The following PRDX5 variants were observed in gnomAD, a reference collection of about 807,000 sequenced individuals.
PRDX5 encodes peroxiredoxin-5, mitochondrial.
In PRDX5, 21 loss-of-function variants were observed where a neutral mutation model predicts 23.8. The ratio of observed to expected loss-of-function variants is 0.88; its 90% CI spans 0.63 to 1.27. The LOEUF (loss-of-function observed/expected upper bound fraction) is 1.27, where lower values mean the gene tolerates loss of function less well. Among genes scored for constraint, PRDX5 ranks in the 50% most tolerant of loss-of-function variants. PRDX5 has a pLI of 0.00. For missense variants in PRDX5, 261 were observed against 270.6 expected (o/e 0.96, Z 0.25); for synonymous variants, 111 against 113.3 (o/e 0.98, Z 0.13).
At chr11:64,321,134 C>A in intron 5 of PRDX5, 66 bp downstream of exon 5, 2 of 1,460,780 alleles carry the variant, frequency 1.4e-6, no homozygotes, top group Non-Finnish European at 1.8e-6. Context: ...GGGAGAGAGT[C>A]CTCTGTGGAG....
intron 5 of PRDX5, 98 bp from the exon 6 acceptor site, chr11:64,321,488 C>T: frequency 6.5e-7 from 1 of 1,543,450 alleles, no homozygotes; most frequent in Non-Finnish European, 8.7e-7. Flanking sequence ...GGAGTCCTCT[C>T]TGGAGTTCTC....
In PRDX5 at chr11:64,321,473, T is replaced by G. The variant is rs2035498862; in HGVS notation, c.540-113T>G. On this transcript the variant is annotated intron_variant, in intron 5 of 5. Coordinates refer to ENST00000265462, the MANE Select transcript of PRDX5 (RefSeq NM_012094.5). ...GTCCTCTGTGGGGGAGAGTCCTCTG[T>G]GGGGGGAGTCCTCTCTGGAGTTCTC... 4 of 1,506,362 alleles carry G rather than the reference T, an allele frequency of 2.7e-6. No individual in the cohort carries two copies. In the South Asian group the frequency reaches 3.9e-5, roughly 15 times the overall value. The allele number at this position is 1,506,362 out of a possible 1,614,324, so 93.3% of individuals were successfully genotyped here.
intron 5 of PRDX5, 71 bp downstream of exon 5, chr11:64,321,139 G>T: frequency 6.9e-7 from 1 of 1,438,974 alleles, no homozygotes; most frequent in South Asian, 1.6e-5. Flanking sequence ...AGAGTCCTCT[G>T]TGGAGAGGGT....
intron 2 of PRDX5, 51 bp downstream of exon 2, chr11:64,319,919 T>C: frequency 6.3e-7 from 1 of 1,599,738 alleles, no homozygotes; most frequent in Non-Finnish European, 8.5e-7. Context: ...TTTGTGTTGC[T>C]CTTAAGTCCT....
chr11:64,321,125 GGA>G, intron 5 of PRDX5, 57 bp downstream of exon 5: 3 of 1,479,736 alleles, frequency 2.0e-6, no homozygotes, highest in Middle Eastern at 2.3e-4. Flanking sequence ...GTCCTCTGTG[GGA>G]GAGAGTCCTC....
Position 64,318,174 on chromosome 11 carries a change from G to A in PRDX5, c.-42G>A. 3.1e-6 allele frequency: 5 copies of A among 1,608,052 alleles called. No individual in the cohort carries two copies. The highest frequency in any genetic ancestry group is 4.2e-6 in the Non-Finnish European group (5 of 1,178,218). On this transcript the variant is annotated 5_prime_UTR_variant, in exon 1 of 6. Transcript: ENST00000265462. ...TAGCGGTGCCCCGCCTGCTGCGGTG[G>A]CACCAGCCAGGAGGCGGAGTGGAAG...
chr11:64,321,467 C>A, intron 5 of PRDX5, 119 bp from the exon 6 acceptor site: 1 of 1,488,444 alleles, frequency 6.7e-7, no homozygotes, highest in Non-Finnish European at 9.0e-7. Context: ...GGGGGAGAGT[C>A]CTCTGTGGGG....
Position 64,318,178 on chromosome 11 carries a change from C to A in PRDX5, c.-38C>A. 1 of 1,608,822 alleles carries A rather than the reference C, an allele frequency of 6.2e-7. No individual in the cohort carries two copies. On this transcript the variant is annotated 5_prime_UTR_variant, in exon 1 of 6. Coordinates refer to ENST00000265462, the MANE Select transcript of PRDX5 (RefSeq NM_012094.5). ...GGTGCCCCGCCTGCTGCGGTGGCAC[C>A]AGCCAGGAGGCGGAGTGGAAGTGGC...
chr11:64,321,203 C>T, intron 5 of PRDX5, 135 bp downstream of exon 5: 1 of 1,043,996 alleles, frequency 9.6e-7, no homozygotes, highest in Non-Finnish European at 1.4e-6. Context: ...GGAGAGTCGT[C>T]TGTGGGGAGA....
chr11:64,318,146 C>G lies in PRDX5; in HGVS notation c.-70C>G, dbSNP rs761979554. The G allele has an allele frequency of 6.1e-4, 974 of 1,592,808 alleles. 1 individual carries two copies. The highest frequency in any genetic ancestry group is 7.7e-4 in the Non-Finnish European group (906 of 1,171,686). ...CTTCCGCAGGGTGTCGCCGCTGTGCCGCTAGCGGTGCCCCGCCTGCTGCGG... is the reference window on the plus strand; with the variant it reads ...CTTCCGCAGGGTGTCGCCGCTGTGCGGCTAGCGGTGCCCCGCCTGCTGCGG... On this transcript the variant is annotated 5_prime_UTR_variant, in exon 1 of 6. Transcript: ENST00000265462.
rs777708768 is a variant in PRDX5, at chr11:64,318,279, G to A, written c.64G>A (p.Gly22Ser). ...SAGYILVGGA[G>S]GQSAAAAARR... is the part of the protein sequence containing the mutation. ...GGGCTATATACTCGTCGGTGGGGCC[G>A]GCGGTCAGTCTGCGGCAGCGGCAGC... Residue 22 changes from glycine (G) to serine (S), a missense_variant, in exon 1 of 6, where the codon GGC becomes AGC. Physicochemically the swap from Gly to Ser is moderately conservative, Grantham distance 56 (BLOSUM62 0). Coordinates refer to ENST00000265462, the MANE Select transcript of PRDX5 (RefSeq NM_012094.5). 1 of 1,612,462 alleles carries A rather than the reference G, an allele frequency of 6.2e-7. No individual in the cohort carries two copies. Among genetic ancestry groups the A allele is most frequent in the Non-Finnish European group, 8.5e-7 (1 of 1,179,906 alleles).
chr11:64,321,778 G>C lies in PRDX5; in HGVS notation c.*87G>C. On this transcript the variant is annotated 3_prime_UTR_variant, in exon 6 of 6. Transcript: ENST00000265462. ...GGCCCTGCAATTGGAATGTTGGCCA[G>C]ATTTCTGCAATAAACACTTGTGGTT... The C allele has an allele frequency of 2.1e-6, 3 of 1,441,700 alleles. No homozygotes were observed. Among genetic ancestry groups the C allele is most frequent in the Non-Finnish European group, 2.8e-6 (3 of 1,081,800 alleles). 89.3% of individuals were successfully genotyped at this position (1,441,700 alleles called of 1,614,324 possible).
chr11:64,318,261 A>G lies in PRDX5; in HGVS notation c.46A>G (p.Ile16Val), dbSNP rs1485459803. 6.2e-7 allele frequency: 1 copy of G among 1,612,332 alleles called. No individual in the cohort carries two copies. The highest frequency in any genetic ancestry group is 1.1e-5 in the South Asian group (1 of 91,014). Residue 16 changes from isoleucine to valine, a missense_variant, in exon 1 of 6, where the codon ATA becomes GTA. Coordinates refer to ENST00000265462, the MANE Select transcript of PRDX5 (RefSeq NM_012094.5). ...CGCCCTGAGACGCTCAGCGGGCTAT[A>G]TACTCGTCGGTGGGGCCGGCGGTCA... Reference protein sequence around the residue: ...VCALRRSAGYILVGGAGGQSA... With the variant: ...VCALRRSAGYVLVGGAGGQSA...
intron 5 of PRDX5, 119 bp from the exon 6 acceptor site, chr11:64,321,467 C>G (rs1007114068): frequency 2.4e-5 from 35 of 1,488,326 alleles, no homozygotes; most frequent in Admixed American, 4.3e-5. Flanking sequence ...GGGGGAGAGT[C>G]CTCTGTGGGG....
chr11:64,318,136 G>T lies in PRDX5; in HGVS notation c.-80G>T, dbSNP rs1375465018. The T allele has an allele frequency of 1.9e-6, 3 of 1,572,008 alleles. No homozygotes were observed. Among genetic ancestry groups the T allele is most frequent in the African/African-American group, 2.7e-5 (2 of 73,452 alleles). On this transcript the variant is annotated 5_prime_UTR_variant, in exon 1 of 6. Transcript: ENST00000265462. ...CCAGGCCCGCCTTCCGCAGGGTGTC[G>T]CCGCTGTGCCGCTAGCGGTGCCCCG... is the stretch of plus-strand genomic sequence containing the variant.
At position 64,319,722 on chromosome 11, in the gene PRDX5, C is replaced by T; in HGVS notation, c.172-12C>T. 1.2e-6 allele frequency: 2 copies of T among 1,612,404 alleles called. No homozygotes were observed. The highest frequency in any genetic ancestry group is 1.7e-6 in the Non-Finnish European group (2 of 1,179,298). On this transcript the variant is annotated splice_polypyrimidine_tract_variant and intron_variant, in intron 1 of 5. Transcript: ENST00000265462. ...TCCCTCACCCCCCTTACCCTGGAGTCCTTCCTTCTAGGTGGGAGATGCCAT... is the reference window on the plus strand; with the variant it reads ...TCCCTCACCCCCCTTACCCTGGAGTTCTTCCTTCTAGGTGGGAGATGCCAT...
At position 64,319,694 on chromosome 11, in the gene PRDX5, G is replaced by A. The variant is rs45553131; in HGVS notation, c.172-40G>A. 2,130 of 1,590,152 alleles carry A rather than the reference G, an allele frequency of 1.3e-3. 16 individuals are homozygous for A. The East Asian group carries it at 0.026, about 20-fold the overall frequency. ...CACCTTCCTGCCTCTGGTTTGCCCC[G>A]GCTCCCTCACCCCCCTTACCCTGGA... On this transcript the variant is annotated intron_variant, in intron 1 of 5. Transcript: ENST00000265462.
At chr11:64,319,917 G>A in intron 2 of PRDX5, 49 bp downstream of exon 2, 1 of 1,602,594 alleles carries the variant, frequency 6.2e-7, no homozygotes, top group Non-Finnish European at 8.5e-7. Context: ...CTTTTGTGTT[G>A]CTCTTAAGTC....
At chr11:64,320,986 C>T (rs2035480537) in intron 4 of PRDX5, 21 bp from the exon 5 acceptor site, 2 of 1,614,098 alleles carry the variant, frequency 1.2e-6, no homozygotes, top group Non-Finnish European at 8.5e-7. Context: ...ATTTCTGACA[C>T]TTTTCTCTGT....
Sources: allele counts gnomAD v4.1 joint callset, GRCh38; gene constraint gnomAD v4.1.1; transcripts MANE v1.5; gene names NCBI Gene and HGNC (gene_info 2026-07-23, HGNC 2026-07-21).